The following ADAMTSL1 variants were observed in gnomAD, a reference collection of about 807,000 sequenced individuals.
ADAMTSL1 encodes ADAMTS-like protein 1.
ADAMTSL1 carries 126 observed loss-of-function variants against 201.8 expected under a neutral mutation model. The observed-to-expected ratio is 0.62, with a 90% CI of 0.54 to 0.72. ADAMTSL1 has a LOEUF of 0.72. ADAMTSL1 is among the 30% of genes least tolerant of loss of function. ADAMTSL1 has a pLI of 0.00. For missense variants in ADAMTSL1, 2,679 were observed against 2,277.8 expected, an observed-to-expected ratio of 1.18 and a Z score of -3.59; for synonymous variants, 1,121 against 903.4, an observed-to-expected ratio of 1.24 and a Z score of -4.32.
At chr9:17,972,485 A>G (rs1300521709) in intron 1 of ADAMTSL1, among the ~76,000 whole-genome samples, 1 of 151,548 alleles carries the variant, frequency 6.6e-6, no homozygotes, top group Non-Finnish European at 1.5e-5. Flanking sequence ...CCTACAAAGG[A>G]CATGAACTCA....
At chr9:18,286,866 C>A (rs1156831961) in intron 2 of ADAMTSL1, among the ~76,000 whole-genome samples, 2 of 152,182 alleles carry the variant, frequency 1.3e-5, no homozygotes, top group African/African-American at 4.8e-5. Flanking sequence ...GATTTTCCTT[C>A]AATCTCCCTT....
intron 1 of ADAMTSL1, among the ~76,000 whole-genome samples, chr9:17,979,093 CT>C (rs1352016534): frequency 1.3e-4 from 20 of 151,996 alleles, no homozygotes; most frequent in African/African-American, 4.8e-4. Context: ...TTTCTTGCTG[CT>C]TTAAAAAATT....
intron 2 of ADAMTSL1, among the ~76,000 whole-genome samples, chr9:18,529,509 T>G (rs757323126): frequency 6.6e-6 from 1 of 152,184 alleles, no homozygotes; most frequent in Non-Finnish European, 1.5e-5. Context: ...CTGCCTCAGT[T>G]TTCTCATCTA....
At chr9:18,871,889 C>A (rs1423041436) in intron 23 of ADAMTSL1, among the ~76,000 whole-genome samples, 5 of 152,162 alleles carry the variant, frequency 3.3e-5, no homozygotes, top group Non-Finnish European at 5.9e-5. Context: ...CTAGATAATA[C>A]CACTTCCCGT....
At chr9:18,068,451 C>A (rs1218004878) in intron 1 of ADAMTSL1, among the ~76,000 whole-genome samples, 5 of 152,058 alleles carry the variant, frequency 3.3e-5, no homozygotes. Context: ...AGGCCATATG[C>A]AAATACTAGA....
At chr9:18,479,990 A>G (rs1459972736) in intron 1 of ADAMTSL1, among the ~76,000 whole-genome samples, 1 of 152,222 alleles carries the variant, frequency 6.6e-6, no homozygotes, top group Non-Finnish European at 1.5e-5. Flanking sequence ...CACACTGAAC[A>G]ACAATTAACC....
intron 2 of ADAMTSL1, among the ~76,000 whole-genome samples, chr9:18,465,355 A>C (rs1383393983): frequency 6.6e-6 from 1 of 152,190 alleles, no homozygotes; most frequent in Non-Finnish European, 1.5e-5. Flanking sequence ...TGTTTCTCAT[A>C]AAAGTCTGGA....
At chr9:18,797,466 C>G (rs1236491336) in intron 20 of ADAMTSL1, among the ~76,000 whole-genome samples, 1 of 152,190 alleles carries the variant, frequency 6.6e-6, no homozygotes. Context: ...TTTGTGGTCC[C>G]TGATGCTTAC....
intron 1 of ADAMTSL1, among the ~76,000 whole-genome samples, chr9:17,969,491 C>A (rs775305340): frequency 7.2e-5 from 11 of 152,070 alleles, no homozygotes; most frequent in Admixed American, 2.0e-4. Context: ...TAAATCCACA[C>A]CCTTTGGAAG....
chr9:18,163,344 A>ACCTCCTT (rs1424973136), intron 1 of ADAMTSL1, among the ~76,000 whole-genome samples: 1 of 151,902 alleles, frequency 6.6e-6, no homozygotes, highest in Non-Finnish European at 1.5e-5. Context: ...GTTCTCCAAT[A>ACCTCCTT]CCTCCTTCCG....
At chr9:18,596,898 G>A (rs1824298006) in intron 4 of ADAMTSL1, among the ~76,000 whole-genome samples, 1 of 152,070 alleles carries the variant, frequency 6.6e-6, no homozygotes, top group Non-Finnish European at 1.5e-5. Flanking sequence ...TTCTTTCTCA[G>A]GAACTCATGT....
At chr9:18,650,158 A>G (rs910528049) in intron 7 of ADAMTSL1, among the ~76,000 whole-genome samples, 1 of 152,156 alleles carries the variant, frequency 6.6e-6, no homozygotes, top group African/African-American at 2.4e-5. Flanking sequence ...CTTTGCTAGC[A>G]ATCAGTGAGA....
intron 2 of ADAMTSL1, among the ~76,000 whole-genome samples, chr9:18,243,912 G>A (rs533206197): frequency 6.6e-6 from 1 of 151,630 alleles, no homozygotes; most frequent in Non-Finnish European, 1.5e-5. Flanking sequence ...GGTCACGAAT[G>A]CTTAGTCAAG....
At chr9:18,073,894 C>A (rs1363600188) in intron 1 of ADAMTSL1, among the ~76,000 whole-genome samples, 1 of 152,126 alleles carries the variant, frequency 6.6e-6, no homozygotes, top group African/African-American at 2.4e-5. Context: ...AGTTAGAATT[C>A]TCAAGCCCTA....
chr9:18,543,922 C>G (rs1028398692), intron 3 of ADAMTSL1, among the ~76,000 whole-genome samples: 2 of 152,078 alleles, frequency 1.3e-5, no homozygotes, highest in Admixed American at 6.6e-5. Context: ...TTTTACTCCT[C>G]CTTATTCTCT....
intron 1 of ADAMTSL1, among the ~76,000 whole-genome samples, chr9:17,984,316 C>T (rs560784523): frequency 6.6e-6 from 1 of 152,098 alleles, no homozygotes; most frequent in Non-Finnish European, 1.5e-5. Flanking sequence ...GTATCCTTCC[C>T]AATGACTAGC....
chr9:18,473,010 C>A (rs1000051259), upstream of ADAMTSL1, among the ~76,000 whole-genome samples: 2 of 152,186 alleles, frequency 1.3e-5, no homozygotes, highest in African/African-American at 4.8e-5. Flanking sequence ...CAGAAGCTTC[C>A]TGACCTTCTC....
intron 26 of ADAMTSL1, among the ~76,000 whole-genome samples, chr9:18,899,610 G>A (rs1012702463): frequency 1.7e-4 from 26 of 152,018 alleles, no homozygotes; most frequent in Non-Finnish European, 2.4e-4. Flanking sequence ...CAATGAAACC[G>A]AATAGAGAAC....
At chr9:18,018,055 T>A (rs1820330512) in intron 1 of ADAMTSL1, among the ~76,000 whole-genome samples, 1 of 152,108 alleles carries the variant, frequency 6.6e-6, no homozygotes, top group South Asian at 2.1e-4. Context: ...ATGCTAAGAC[T>A]GGGTTTTACA....
Sources: gnomAD v4.1 joint callset for allele counts (sites outside exome capture counted in the v4.1 genomes callset) on GRCh38, gnomAD v4.1.1 for gene constraint, MANE v1.5 for transcripts, NCBI Gene and HGNC (gene_info 2026-07-23, HGNC 2026-07-21) for gene names.